The following EVA1C variants were observed in gnomAD, a reference collection of about 807,000 sequenced individuals.
EVA1C encodes protein eva-1 homolog C.
EVA1C carries 25 observed loss-of-function variants against 45.4 expected under a neutral mutation model. The observed-to-expected ratio is 0.55, with a 90% CI of 0.40 to 0.77. The LOEUF (loss-of-function observed/expected upper bound fraction) is 0.77. EVA1C is among the 30% of genes least tolerant of loss of function. The probability of loss-of-function intolerance (pLI) is 0.00; values close to 1 mark genes in which losing one functional copy is unlikely to be tolerated. For synonymous variants in EVA1C, 190 were observed against 221.2 expected (o/e 0.86, Z 1.25); for missense variants, 479 against 554.8 (o/e 0.86, Z 1.37).
chr21:32,430,168 C>T (rs1230993699), intron 1 of EVA1C, among the ~76,000 whole-genome samples: 2 of 152,198 alleles, frequency 1.3e-5, no homozygotes, highest in Non-Finnish European at 2.9e-5. Flanking sequence ...GCATGCCTCA[C>T]AAAGGGGCCA....
At position 32,512,475 on chromosome 21, in the gene EVA1C, C is replaced by T. The variant is rs2037988827; in HGVS notation, c.950-2339C>T. Among the ~76,000 whole-genome samples, 3 of 152,106 alleles carry T rather than the reference C, an allele frequency of 2.0e-5. No homozygotes were observed. The South Asian group carries it at 6.2e-4, about 31-fold the overall frequency. On this transcript the variant is annotated intron_variant, in intron 7 of 7. Transcript: ENST00000300255. ...CTTCCTTCACTTATAGCTCAAGTCG[C>T]TGCTGGAATTGACTGCTGGAATTGA...
At chr21:32,432,088 G>A (rs1346809569) in intron 1 of EVA1C, among the ~76,000 whole-genome samples, 1 of 151,860 alleles carries the variant, frequency 6.6e-6, no homozygotes, top group African/African-American at 2.4e-5. Context: ...ATGGTTATTT[G>A]ATGGAATGTC....
intron 1 of EVA1C, among the ~76,000 whole-genome samples, chr21:32,444,416 A>G (rs1306837709): frequency 6.6e-6 from 1 of 152,172 alleles, no homozygotes; most frequent in African/African-American, 2.4e-5. Context: ...GGAGTGGCTC[A>G]CAGAAAAACT....
chr21:32,502,173 C>G (rs534212776), intron 6 of EVA1C, among the ~76,000 whole-genome samples: 3 of 151,916 alleles, frequency 2.0e-5, no homozygotes, highest in Non-Finnish European at 4.4e-5. Context: ...AATCTCCACT[C>G]ACTGCAACCT....
intron 1 of EVA1C, among the ~76,000 whole-genome samples, chr21:32,448,918 GAGAA>G (rs1055891613): frequency 2.0e-4 from 6 of 29,886 alleles, no homozygotes; most frequent in East Asian, 5.2e-3. Context: ...GGAGAAAAGA[GAGAA>G]AGAAAGAAAG....
intron 1 of EVA1C, among the ~76,000 whole-genome samples, chr21:32,448,948 A>AAAGAG (rs1429674926): frequency 4.0e-5 from 6 of 151,362 alleles, no homozygotes; most frequent in Admixed American, 1.3e-4. Context: ...GAAAGAGAGA[A>AAAGAG]AGAAAGAAAA....
intron 3 of EVA1C, among the ~76,000 whole-genome samples, chr21:32,459,410 C>T (rs1444820534): frequency 1.3e-5 from 2 of 152,248 alleles, no homozygotes; most frequent in Non-Finnish European, 2.9e-5. Context: ...TGTTCTTCCT[C>T]ACTTCCCTCC....
chr21:32,436,048 G>T lies in EVA1C; in HGVS notation c.161-17264G>T, dbSNP rs549538564. Reference sequence around the variant, plus strand: ...CAGGAAACTAATTCAGCTGTTTTTTGTTTGTTTGTTTGTTTGTTTTTGTTT... The same window carrying T: ...CAGGAAACTAATTCAGCTGTTTTTTTTTTGTTTGTTTGTTTGTTTTTGTTT... On this transcript the variant is annotated intron_variant, in intron 1 of 7. Coordinates refer to ENST00000300255, the MANE Select transcript of EVA1C (RefSeq NM_058187.5). 6.5e-3 allele frequency among the ~76,000 whole-genome samples: 988 copies of T among 151,706 alleles called. 2 individuals carry two copies. Among genetic ancestry groups the T allele is most frequent in the Non-Finnish European group, 0.01 (685 of 67,890 alleles).
chr21:32,510,445 A>G (rs1179827899), intron 7 of EVA1C, among the ~76,000 whole-genome samples: 9 of 152,148 alleles, frequency 5.9e-5, no homozygotes, highest in Non-Finnish European at 1.0e-4. Context: ...ATGTGACCCA[A>G]TGTGTGTTTC....
At chr21:32,446,651 G>A in intron 1 of EVA1C, among the ~76,000 whole-genome samples, 1 of 152,214 alleles carries the variant, frequency 6.6e-6, no homozygotes, top group East Asian at 1.9e-4. Context: ...GAGATTGGGA[G>A]CAGCTCATCT....
intron 7 of EVA1C, among the ~76,000 whole-genome samples, chr21:32,513,684 G>A (rs1003589379): frequency 6.7e-5 from 10 of 148,568 alleles, no homozygotes; most frequent in African/African-American, 2.2e-4. Context: ...CTACAAGCAC[G>A]CACCACCATG....
chr21:32,507,538 G>A (rs1232312954), intron 7 of EVA1C, among the ~76,000 whole-genome samples: 1 of 123,464 alleles, frequency 8.1e-6, no homozygotes, highest in Non-Finnish European at 1.6e-5. Flanking sequence ...GTGTGCATGT[G>A]TGCGTCTGTA....
intron 4 of EVA1C, among the ~76,000 whole-genome samples, chr21:32,484,537 C>A (rs1019668112): frequency 1.3e-5 from 2 of 149,702 alleles, no homozygotes; most frequent in Admixed American, 1.3e-4. Context: ...AAGAGAGACT[C>A]CATCTCAAAA....
intron 1 of EVA1C, among the ~76,000 whole-genome samples, chr21:32,423,365 T>A (rs2034363574): frequency 6.6e-6 from 1 of 151,964 alleles, no homozygotes; most frequent in Non-Finnish European, 1.5e-5. Flanking sequence ...TAGGGAAGAA[T>A]GGGAAACAGT....
At chr21:32,422,955 C>T (rs2034339180) in intron 1 of EVA1C, among the ~76,000 whole-genome samples, 2 of 150,926 alleles carry the variant, frequency 1.3e-5, no homozygotes. Flanking sequence ...TCTGTAATCC[C>T]AGCTACTCAC....
rs57814449 is a variant in EVA1C, at chr21:32,480,121, T to C, written c.634+12273T>C. ...TAAGATTATTCTACATAGCACTGCT[T>C]ATAATATTAAAAAATAGAAATCATC... On this transcript the variant is annotated intron_variant, in intron 4 of 7. Transcript: ENST00000300255. Among the ~76,000 whole-genome samples the C allele has an allele frequency of 6.5e-3, 984 of 152,128 alleles. 11 individuals are homozygous for C. The highest frequency in any genetic ancestry group is 0.022 in the African/African-American group (927 of 41,480).
chr21:32,498,749 G>A (rs1433448489), intron 5 of EVA1C, among the ~76,000 whole-genome samples: 4 of 152,168 alleles, frequency 2.6e-5, no homozygotes, highest in Admixed American at 6.5e-5. Flanking sequence ...TGTTGATGAG[G>A]AGGAAGATGG....
In EVA1C at chr21:32,426,101, T is replaced by C. The variant is rs1272661969; in HGVS notation, c.160+13088T>C. 2.0e-5 allele frequency among the ~76,000 whole-genome samples: 3 copies of C among 152,162 alleles called. No homozygotes were observed. The East Asian group carries it at 5.8e-4, about 29-fold the overall frequency. On this transcript the variant is annotated intron_variant, in intron 1 of 7. Coordinates refer to ENST00000300255, the MANE Select transcript of EVA1C (RefSeq NM_058187.5). The stretch of plus-strand genomic sequence containing the variant: ...GCCAAAGAAATGAAAATCCACTGGC[T>C]GCTGTGCTTCTCCACCCTCTCTAGC...
At chr21:32,478,297 C>T (rs1363628723) in intron 4 of EVA1C, among the ~76,000 whole-genome samples, 1 of 152,084 alleles carries the variant, frequency 6.6e-6, no homozygotes, top group African/African-American at 2.4e-5. Flanking sequence ...CAGCTCACTG[C>T]AACCTCCGCC....
Sources: gnomAD v4.1 joint callset for allele counts (sites outside exome capture counted in the v4.1 genomes callset) on GRCh38, gnomAD v4.1.1 for gene constraint, MANE v1.5 for transcripts, NCBI Gene and HGNC (gene_info 2026-07-23, HGNC 2026-07-21) for gene names.